HSD17B4: variants seen among roughly 807,000 people sequenced by gnomAD.
HSD17B4 encodes the protein peroxisomal multifunctional enzyme type 2.
A neutral mutation model predicts 101.0 loss-of-function variants in HSD17B4; 70 were observed. That is an observed-to-expected ratio of 0.69 (90% CI 0.57 to 0.85). The LOEUF is 0.85. HSD17B4 is among the 40% of genes least tolerant of loss of function. The probability of loss-of-function intolerance (pLI) is 0.00; values close to 1 mark genes in which losing one functional copy is unlikely to be tolerated. For missense variants in HSD17B4, 984 were observed against 892.4 expected (o/e 1.10, Z -1.31); for synonymous variants, 347 against 297.1 (o/e 1.17, Z -1.73).
At chr5:119,480,635 T>C (rs1040943454) in intron 8 of HSD17B4, among the ~76,000 whole-genome samples, 1 of 152,172 alleles carries the variant, frequency 6.6e-6, no homozygotes, top group African/African-American at 2.4e-5. Flanking sequence ...TGGGCACCAT[T>C]GTCATTGATA....
chr5:119,493,984 AT>A, intron 11 of HSD17B4, 38 bp downstream of exon 11: 1 of 1,609,254 alleles, frequency 6.2e-7, no homozygotes, highest in East Asian at 2.2e-5. Flanking sequence ...TGGTTGGGGA[AT>A]CAGAGGCAGC....
chr5:119,471,739 A>AT, intron 2 of HSD17B4: 1 of 1,047,212 alleles, frequency 9.5e-7, no homozygotes, highest in Non-Finnish European at 1.4e-6. Flanking sequence ...GTTATTTGGC[A>AT]TTTATCTATG....
At chr5:119,541,207 C>G (rs1455912496) in intron 23 of HSD17B4, among the ~76,000 whole-genome samples, 1 of 152,150 alleles carries the variant, frequency 6.6e-6, no homozygotes, top group Non-Finnish European at 1.5e-5. Flanking sequence ...CCAGCTTTTG[C>G]TTGGTAATGA....
At position 119,527,183 on chromosome 5, in the gene HSD17B4, G is replaced by T. The variant is rs749942200; in HGVS notation, c.1731G>T (p.Met577Ile). The change falls in exon 20 of 24, where the codon ATG becomes ATT. Residue 577 changes from methionine (M) to isoleucine (I), a missense_variant. Transcript: ENST00000510025. The stretch of plus-strand genomic sequence containing the variant: ...CAGGACAAACTCTACAAACTGAGAT[G>T]TGGAAGGAAGGAAACAGAATTCATT... ...VYPGQTLQTE[M>I]WKEGNRIHFQ... The T allele has an allele frequency of 1.2e-6, 2 of 1,610,004 alleles. No individual in the cohort carries two copies. The highest frequency in any genetic ancestry group is 1.3e-5 in the African/African-American group (1 of 74,888).
At chr5:119,453,862 C>T (rs563657994) in intron 1 of HSD17B4, among the ~76,000 whole-genome samples, 180 of 152,330 alleles carry the variant, frequency 1.2e-3, no homozygotes, top group African/African-American at 3.9e-3. Flanking sequence ...ATGTATTTTA[C>T]AACGCTTGGT....
At chr5:119,533,371 A>G (rs1209189536) in intron 22 of HSD17B4, among the ~76,000 whole-genome samples, 1 of 151,876 alleles carries the variant, frequency 6.6e-6, no homozygotes, top group African/African-American at 2.4e-5. Flanking sequence ...TGAGGAAACA[A>G]AGGTTGTTGC....
At chr5:119,509,930 A>C (rs1337407744) in intron 16 of HSD17B4, among the ~76,000 whole-genome samples, 5 of 152,232 alleles carry the variant, frequency 3.3e-5, no homozygotes, top group Admixed American at 1.3e-4. Flanking sequence ...GTTTTGGTTA[A>C]CAGTAGGCTA....
At chr5:119,471,785 A>T (rs1580538985) in intron 2 of HSD17B4, 1 of 698,978 alleles carries the variant, frequency 1.4e-6, no homozygotes. Context: ...TATTTTGTAA[A>T]TTTTTTCATA....
At chr5:119,491,454 C>T (rs951485388) in intron 9 of HSD17B4, among the ~76,000 whole-genome samples, 8 of 144,214 alleles carry the variant, frequency 5.5e-5, no homozygotes, top group African/African-American at 2.1e-4. Flanking sequence ...ACATCAGACT[C>T]ATCAGACTTT....
intron 2 of HSD17B4, among the ~76,000 whole-genome samples, chr5:119,466,922 G>A (rs935384207): frequency 6.6e-6 from 1 of 151,924 alleles, no homozygotes; most frequent in African/African-American, 2.4e-5. Flanking sequence ...ATTGCTATAG[G>A]CTTTCCTCTT....
chr5:119,522,851 A>G (rs1317474834), intron 17 of HSD17B4, among the ~76,000 whole-genome samples: 3 of 151,888 alleles, frequency 2.0e-5, no homozygotes, highest in Non-Finnish European at 2.9e-5. Flanking sequence ...AATTATTTTC[A>G]TTGTAGTCAG....
At chr5:119,500,301 T>C (rs1751040167) in intron 13 of HSD17B4, among the ~76,000 whole-genome samples, 1 of 151,890 alleles carries the variant, frequency 6.6e-6, no homozygotes, top group Admixed American at 6.6e-5. Context: ...GGGATATGTA[T>C]ATATATATAG....
chr5:119,489,482 A>G (rs545217512), intron 9 of HSD17B4, among the ~76,000 whole-genome samples, 199 bp downstream of exon 9: 1 of 152,232 alleles, frequency 6.6e-6, no homozygotes, highest in Non-Finnish European at 1.5e-5. Flanking sequence ...CATTTGTAAC[A>G]TTCCTACCAA....
Position 119,531,329 on chromosome 5 carries a change from C to T in HSD17B4, c.1918C>T (p.Pro640Ser). The change falls in exon 22 of 24, where the codon CCT becomes TCT. Residue 640 changes from proline to serine, a missense_variant. Transcript: ENST00000510025. ...EIGRRLKDIG[P>S]EVVKKVNAVF... ...AGGACGCCGCCTAAAGGATATTGGGCCTGAGGTGGTGAAGAAAGTAAATGC... is the reference window on the plus strand; with the variant it reads ...AGGACGCCGCCTAAAGGATATTGGGTCTGAGGTGGTGAAGAAAGTAAATGC... 1 of 1,613,168 alleles carries T rather than the reference C, an allele frequency of 6.2e-7. No individual in the cohort carries two copies. The highest frequency in any genetic ancestry group is 8.5e-7 in the Non-Finnish European group (1 of 1,179,452).
chr5:119,527,099 A>T, intron 19 of HSD17B4, 34 bp from the exon 20 acceptor site: 1 of 1,313,720 alleles, frequency 7.6e-7, no homozygotes, highest in Non-Finnish European at 1.1e-6. Flanking sequence ...GTTTCCTTTT[A>T]AAACATTTTT....
intron 18 of HSD17B4, 192 bp from the exon 19 acceptor site, chr5:119,525,725 T>C (rs78102236): frequency 7.2e-6 from 4 of 554,022 alleles, no homozygotes; most frequent in African/African-American, 6.0e-5. Context: ...TTTTTTTTTT[T>C]CTTTCTTTCT....
At chr5:119,539,419 C>T (rs1176918786) in intron 23 of HSD17B4, among the ~76,000 whole-genome samples, 5 of 76,278 alleles carry the variant, frequency 6.6e-5, no homozygotes, top group Admixed American at 6.3e-4. Flanking sequence ...ACATCACACA[C>T]GGGGACCTGT....
At chr5:119,505,972 T>A (rs548701855) in intron 14 of HSD17B4, among the ~76,000 whole-genome samples, 7 of 152,344 alleles carry the variant, frequency 4.6e-5, no homozygotes, top group African/African-American at 1.4e-4. Context: ...GTATTCTGAC[T>A]GCTTTTACTG....
At chr5:119,508,239 A>AG (rs1230383705) in intron 15 of HSD17B4, among the ~76,000 whole-genome samples, 2 of 151,900 alleles carry the variant, frequency 1.3e-5, no homozygotes, top group East Asian at 3.9e-4. Context: ...CCAAAAAAAA[A>AG]AAGTCCTGCC....
Sources: gnomAD v4.1 joint callset for allele counts (sites outside exome capture counted in the v4.1 genomes callset) on GRCh38, gnomAD v4.1.1 for gene constraint, MANE v1.5 for transcripts, NCBI Gene and HGNC (gene_info 2026-07-23, HGNC 2026-07-21) for gene names.